The following LARS2 variants were observed in gnomAD, a reference collection of about 807,000 sequenced individuals.
The protein encoded by LARS2 is leucine--tRNA ligase, mitochondrial.
LARS2 carries 81 observed loss-of-function variants against 116.6 expected under a neutral mutation model. The ratio of observed to expected loss-of-function variants is 0.69; its 90% CI spans 0.58 to 0.84. The LOEUF (loss-of-function observed/expected upper bound fraction) is 0.84. LARS2 is among the 40% of genes least tolerant of loss of function. LARS2 has a pLI of 0.00. For missense variants in LARS2, 968 were observed against 1,114.5 expected, an observed-to-expected ratio of 0.87 and a Z score of 1.87; for synonymous variants, 396 against 407.2, an observed-to-expected ratio of 0.97 and a Z score of 0.33.
intron 7 of LARS2, among the ~76,000 whole-genome samples, chr3:45,449,156 ATTTTTT>A (rs1161349903): frequency 9.7e-6 from 1 of 102,934 alleles, no homozygotes; most frequent in Non-Finnish European, 2.0e-5. Flanking sequence ...TTAACTCACT[ATTTTTT>A]TTTTTTTTTT....
At position 45,431,825 on chromosome 3, in the gene LARS2, A is replaced by G. The variant is rs774741240; in HGVS notation, c.516+12096A>G. Among the ~76,000 whole-genome samples, 122 of 152,192 alleles carry G rather than the reference A, an allele frequency of 8.0e-4. 2 individuals carry two copies. Among genetic ancestry groups the G allele is most frequent in the Admixed American group, 7.2e-4 (11 of 15,286 alleles). Reference sequence around the variant, plus strand: ...CAGAAGTCTCTCCCTATCAGTAATTACTTTAAAAATAAATGGCTCAAAATC... The same window carrying G: ...CAGAAGTCTCTCCCTATCAGTAATTGCTTTAAAAATAAATGGCTCAAAATC... On this transcript the variant is annotated intron_variant, in intron 6 of 21. Transcript: ENST00000645846.
At chr3:45,403,562 C>T (rs1385583727) in intron 4 of LARS2, among the ~76,000 whole-genome samples, 4 of 152,098 alleles carry the variant, frequency 2.6e-5, no homozygotes, top group Non-Finnish European at 4.4e-5. Flanking sequence ...ATGATCCGCC[C>T]GCCTTGGGAC....
At chr3:45,522,606 A>C (rs1048606851) in intron 19 of LARS2, among the ~76,000 whole-genome samples, 1 of 152,000 alleles carries the variant, frequency 6.6e-6, no homozygotes, top group Admixed American at 6.5e-5. Context: ...GGTGGTGCAC[A>C]CCTGTGCACC....
At position 45,541,935 on chromosome 3, in the gene LARS2, G is replaced by C. The variant is rs773520078; in HGVS notation, c.2511G>C (p.Glu837Asp). ...ACCCGGAGTTCCTGCAGCAGCCTGA[G>C]GTTGTCCAGATGGCAGTTCTGGTAA... ...AVDPEFLQQP[E>D]VVQMAVLINN... is the part of the protein sequence containing the mutation. Residue 837 changes from glutamate (E) to aspartate (D), a missense_variant, in exon 21 of 22, where the codon GAG becomes GAC. By Grantham distance (45) the Glu-to-Asp change is conservative (BLOSUM62 2). Transcript: ENST00000645846. 6.2e-7 allele frequency: 1 copy of C among 1,614,238 alleles called. No homozygotes were observed. The highest frequency in any genetic ancestry group is 1.1e-5 in the South Asian group (1 of 91,088).
intron 8 of LARS2, 98 bp downstream of exon 8, chr3:45,458,984 G>A (rs1699264424): frequency 8.0e-7 from 1 of 1,256,602 alleles, no homozygotes; most frequent in African/African-American, 1.5e-5. Flanking sequence ...TTGGGGTTGA[G>A]CTCTAGGAAG....
In LARS2 at chr3:45,500,572, A is replaced by T. The variant is rs1181180156; in HGVS notation, c.1753A>T (p.Lys585Ter). 6.4e-7 allele frequency: 1 copy of T among 1,568,664 alleles called. No homozygotes were observed. Among genetic ancestry groups the T allele is most frequent in the East Asian group, 2.4e-5 (1 of 42,264 alleles). ...TTTTTGCCATGATCAAAAAATGGTT[A>T]AACATAGGTAAGCACTTATACTGCT... is the stretch of plus-strand genomic sequence containing the variant. The part of the protein sequence containing the change: ...SHFCHDQKMV[K>*]HREPFHKLLA... Residue 585 changes from lysine (K) to a stop codon, truncating the protein, a stop_gained, in exon 15 of 22, where the codon AAA becomes TAA. Coordinates refer to ENST00000645846, the MANE Select transcript of LARS2 (RefSeq NM_015340.4). LOFTEE classifies it high-confidence loss of function.
rs749222943 is a variant in LARS2, at chr3:45,458,686, C to CAA, written c.607-46_607-45dup. 4.0e-4 allele frequency: 483 copies of CAA among 1,196,468 alleles called. 2 individuals carry two copies. The highest frequency in any genetic ancestry group is 4.7e-4 in the Non-Finnish European group (399 of 855,392). The allele number at this position is 1,196,468 out of a possible 1,614,324, so 74.1% of individuals were successfully genotyped here. ...CGGGCGACAGTGCGACACTCCCTGT[C>CAA]AAAAAAAAAAAAGAGTACTCACCAG... On this transcript the variant is annotated intron_variant, in intron 7 of 21. Transcript: ENST00000645846.
chr3:45,489,467 G>A (rs1168853140), intron 12 of LARS2, among the ~76,000 whole-genome samples: 1 of 138,108 alleles, frequency 7.2e-6, no homozygotes, highest in Non-Finnish European at 1.5e-5. Flanking sequence ...TACTGATTTA[G>A]TAGTCCCAGG....
intron 4 of LARS2, among the ~76,000 whole-genome samples, chr3:45,409,073 TA>T (rs1466880953): frequency 6.6e-6 from 1 of 152,224 alleles, no homozygotes; most frequent in Non-Finnish European, 1.5e-5. Flanking sequence ...TTTTTAAAAA[TA>T]AAATACATGG....
At chr3:45,465,971 A>C (rs1699417763) in intron 8 of LARS2, among the ~76,000 whole-genome samples, 1 of 152,160 alleles carries the variant, frequency 6.6e-6, no homozygotes, top group East Asian at 1.9e-4. Flanking sequence ...ATAAAAGAAA[A>C]CTTCTGCAGT....
intron 8 of LARS2, among the ~76,000 whole-genome samples, chr3:45,473,687 TG>T (rs1188656825): frequency 1.3e-5 from 2 of 149,830 alleles, no homozygotes; most frequent in African/African-American, 2.5e-5. Context: ...CCTGGCCTGT[TG>T]TTGTTTTTTT....
chr3:45,489,765 G>T (rs1431826647), intron 12 of LARS2, among the ~76,000 whole-genome samples: 2 of 152,168 alleles, frequency 1.3e-5, no homozygotes, highest in Non-Finnish European at 2.9e-5. Flanking sequence ...TGATGCCTGG[G>T]TCTCACTCCA....
In LARS2 at chr3:45,491,549, A is replaced by C. The variant is rs758378897; in HGVS notation, c.1272A>C (p.Leu424=). The C allele has an allele frequency of 1.9e-6, 3 of 1,614,140 alleles. No individual in the cohort carries two copies. Among genetic ancestry groups the C allele is most frequent in the Non-Finnish European group, 2.5e-6 (3 of 1,180,012 alleles). ...GTATGACCCGGCAGGATGCTTTTCT[A>C]GCCCTGACTCAGAAAGCCCGGGGGA... ...FTGMTRQDAF[L]ALTQKARGKR... The change falls in exon 13 of 22, where the codon CTA becomes CTC. Residue 424 remains leucine, a synonymous_variant. Transcript: ENST00000645846.
At chr3:45,487,019 C>A (rs1020915933) in intron 11 of LARS2, among the ~76,000 whole-genome samples, 1 of 152,100 alleles carries the variant, frequency 6.6e-6, no homozygotes, top group African/African-American at 2.4e-5. Flanking sequence ...CCAAGAAGAA[C>A]AAGAGCAGAA....
Position 45,428,449 on chromosome 3 carries a change from G to A in LARS2, c.516+8720G>A, listed in dbSNP as rs540898687. Among the ~76,000 whole-genome samples the A allele has an allele frequency of 2.0e-5, 3 of 151,502 alleles. No individual in the cohort carries two copies. In the East Asian group the frequency reaches 5.9e-4, roughly 30 times the overall value. On this transcript the variant is annotated intron_variant, in intron 6 of 21. Coordinates refer to ENST00000645846, the MANE Select transcript of LARS2 (RefSeq NM_015340.4). Reference sequence around the variant, plus strand: ...TTTAGTAGAGACAGGGTTTCACCGTGTTAGCCAGGATGGTCTCAATCTCCT... The same window carrying A: ...TTTAGTAGAGACAGGGTTTCACCGTATTAGCCAGGATGGTCTCAATCTCCT...
intron 8 of LARS2, among the ~76,000 whole-genome samples, chr3:45,459,528 A>C (rs1044179962): frequency 1.3e-5 from 2 of 152,236 alleles, no homozygotes; most frequent in Non-Finnish European, 1.5e-5. Context: ...TGGACCAAGC[A>C]GTCTTTAAGG....
At chr3:45,454,913 AG>A (rs1423125239) in intron 7 of LARS2, among the ~76,000 whole-genome samples, 1 of 152,110 alleles carries the variant, frequency 6.6e-6, no homozygotes, top group Non-Finnish European at 1.5e-5. Flanking sequence ...CCTGAGCCTC[AG>A]GGCCCTGGAT....
chr3:45,400,067 C>T (rs1698117884), intron 3 of LARS2, among the ~76,000 whole-genome samples, 178 bp from the exon 4 acceptor site: 1 of 151,708 alleles, frequency 6.6e-6, no homozygotes, highest in African/African-American at 2.4e-5. Context: ...TAGCTTAAAC[C>T]AGGGCTTTGA....
rs539199588 is a variant in LARS2 at position 45,538,369 on chromosome 3, G to A, written c.2405-3460G>A. ...CATCCTGTACAACTGCCATACGGAG[G>A]TTTTGGAAATCTTCCCGCTGCAGCT... On this transcript the variant is annotated intron_variant, in intron 20 of 21. Coordinates refer to ENST00000645846, the MANE Select transcript of LARS2 (RefSeq NM_015340.4). 4 of 152,328 alleles carry A rather than the reference G, an allele frequency of 2.6e-5. No homozygotes were observed. The South Asian group carries it at 8.3e-4, about 32-fold the overall frequency. The allele number at this position is 152,328 out of a possible 1,614,324, so 9.4% of individuals were successfully genotyped here.
Sources: allele counts gnomAD v4.1 joint callset (sites outside exome capture counted in the v4.1 genomes callset), GRCh38; gene constraint gnomAD v4.1.1; transcripts MANE v1.5; gene names NCBI Gene and HGNC (gene_info 2026-07-23, HGNC 2026-07-21).